ARHGEF2: variants seen among roughly 807,000 people sequenced by gnomAD.
ARHGEF2 encodes the protein rho guanine nucleotide exchange factor 2.
In ARHGEF2, 22 loss-of-function variants were observed where a neutral mutation model predicts 121.0. The ratio of observed to expected loss-of-function variants is 0.18; its 90% CI spans 0.13 to 0.26. The LOEUF is 0.26. ARHGEF2 is among the 10% of genes least tolerant of loss of function. The probability of loss-of-function intolerance (pLI) is 1.00; values close to 1 mark genes in which losing one functional copy is unlikely to be tolerated. For synonymous variants in ARHGEF2, 487 were observed against 530.0 expected (o/e 0.92, Z 1.11); for missense variants, 907 against 1,336.0 (o/e 0.68, Z 5.01).
rs1448120174 is a variant in ARHGEF2, at chr1:155,951,074, G to A, written c.2458C>T (p.Arg820Cys). Reference sequence around the variant, plus strand: ...CGTTCTTCACCTAGCCGCCGGCAGCGCCGTAGCTCCTCCTGCAGCAGCGCA... The same window carrying A: ...CGTTCTTCACCTAGCCGCCGGCAGCACCGTAGCTCCTCCTGCAGCAGCGCA... Reference protein sequence around the residue: ...QHALLQEELRRCRRLGEERAT... With the variant: ...QHALLQEELRCCRRLGEERAT... Residue 820 changes from arginine (R) to cysteine (C), a missense_variant, in exon 20 of 22, where the codon CGC becomes TGC. Coordinates refer to ENST00000361247, the MANE Select transcript of ARHGEF2 (RefSeq NM_001162383.2). This position sits in a 1 kb window ranked among gnomAD's most constrained non-coding sequence, Gnocchi z 5.1. 4 of 1,599,782 alleles carry A rather than the reference G, an allele frequency of 2.5e-6. No individual in the cohort carries two copies. Among genetic ancestry groups the A allele is most frequent in the Non-Finnish European group, 1.7e-6 (2 of 1,175,268 alleles).
rs75065040 is a variant in ARHGEF2, at chr1:155,956,461, T to TA, written c.1715+1251dup. Among the ~76,000 whole-genome samples, 104 of 140,684 alleles carry TA rather than the reference T, an allele frequency of 7.4e-4. 2 individuals are homozygous for TA. Among genetic ancestry groups the TA allele is most frequent in the Middle Eastern group, 3.6e-3 (1 of 278 alleles). 92.3% of individuals were successfully genotyped at this position (140,684 alleles called of 152,430 possible). Reference sequence around the variant, plus strand: ...TTTCAAAATTCCATGGTGCAGAAGTTAAAAAAAAAAAAAGGTTTACAAATT... The same window carrying TA: ...TTTCAAAATTCCATGGTGCAGAAGTTAAAAAAAAAAAAAAGGTTTACAAATT... On this transcript the variant is annotated intron_variant, in intron 13 of 21. Transcript: ENST00000361247.
chr1:155,954,282 C>CTTTTT (rs544870775), intron 14 of ARHGEF2, among the ~76,000 whole-genome samples: 46 of 108,490 alleles, frequency 4.2e-4, no homozygotes, highest in Non-Finnish European at 7.6e-4. Flanking sequence ...CAATCTACTT[C>CTTTTT]TTTTTTTTTT....
At position 155,965,419 on chromosome 1, in the gene ARHGEF2, A is replaced by G; in HGVS notation, c.471-7T>C. 6.2e-7 allele frequency: 1 copy of G among 1,613,434 alleles called. No homozygotes were observed. The highest frequency in any genetic ancestry group is 8.5e-7 in the Non-Finnish European group (1 of 1,179,376). On this transcript the variant is annotated splice_polypyrimidine_tract_variant and splice_region_variant and intron_variant, in intron 5 of 21. Coordinates refer to ENST00000361247, the MANE Select transcript of ARHGEF2 (RefSeq NM_001162383.2). The surrounding 1 kb of genome is among the most constrained non-coding windows in gnomAD (Gnocchi z 6.0). ...AGACTCATCATTGAAATGTCTGAAG[A>G]AAGTGGAGGCTGTCTGCATCACCCC...
rs372668733 is a variant in ARHGEF2 at position 155,973,659 on chromosome 1, T to C, written c.64-4359A>G. On this transcript the variant is annotated intron_variant, in intron 1 of 21. Transcript: ENST00000361247. ...TACTCAGGAGGCTGAGGCAGGAGAA[T>C]TGCTTGAACGCAGGAGGTGGAGGTT... is the stretch of plus-strand genomic sequence containing the variant. 2.0e-3 allele frequency among the ~76,000 whole-genome samples: 311 copies of C among 151,922 alleles called. 2 individuals carry two copies. The highest frequency in any genetic ancestry group is 0.02 in the South Asian group (96 of 4,804).
In ARHGEF2 at chr1:155,978,209, G is replaced by T. The variant is rs1014619162; in HGVS notation, c.63+156C>A. ...CCCCACCCCTACCCACTCGCTCGCA[G>T]TCCCCACCCACCCCGTCCCGCCGCT... On this transcript the variant is annotated intron_variant, in intron 1 of 21. Transcript: ENST00000361247. The surrounding 1 kb of genome is among the most constrained non-coding windows in gnomAD (Gnocchi z 4.1). 31 of 1,296,984 alleles carry T rather than the reference G, an allele frequency of 2.4e-5. No individual in the cohort carries two copies. Among genetic ancestry groups the T allele is most frequent in the Non-Finnish European group, 3.0e-5 (30 of 1,010,240 alleles). 80.3% of individuals were successfully genotyped at this position (1,296,984 alleles called of 1,614,324 possible). A position where few individuals can be genotyped will look rare whatever the true frequency, so the allele number is the denominator to read the frequency against.
At position 155,951,596 on chromosome 1, in the gene ARHGEF2, G is replaced by A. The variant is rs994006021; in HGVS notation, c.2209-63C>T. The A allele has an allele frequency of 1.9e-6, 3 of 1,611,356 alleles. No individual in the cohort carries two copies. The South Asian group carries it at 3.3e-5, about 18-fold the overall frequency. ...AGGATGGGAGAACTGCCCAAAAGTT[G>A]AACAAGGGTGGGTGTGGGGACAGTA... is the stretch of plus-strand genomic sequence containing the variant. On this transcript the variant is annotated intron_variant, in intron 18 of 21. Coordinates refer to ENST00000361247, the MANE Select transcript of ARHGEF2 (RefSeq NM_001162383.2). The surrounding 1 kb of genome is among the most constrained non-coding windows in gnomAD (Gnocchi z 5.1).
chr1:155,978,614 G>C (rs574784498), upstream of ARHGEF2: 245 of 1,257,278 alleles, frequency 1.9e-4, no homozygotes, highest in Non-Finnish European at 2.2e-4. The surrounding 1 kb of genome is among the most constrained non-coding windows in gnomAD (Gnocchi z 4.1). Context: ...GCTCAGGAAG[G>C]GGGTAGGCGG....
Position 155,947,267 on chromosome 1 carries a change from A to G in ARHGEF2, c.*675T>C, listed in dbSNP as rs1674560963. On this transcript the variant is annotated 3_prime_UTR_variant, in exon 22 of 22. Transcript: ENST00000361247. ...GTACAAAAAAGAAAACAAAAGAACA[A>G]CAAAACATTCTGGTCCCTGTGGGTT... The G allele has an allele frequency of 2.4e-6, 1 of 424,204 alleles. No homozygotes were observed. The highest frequency in any genetic ancestry group is 2.8e-5 in the Admixed American group (1 of 35,360). 26.3% of individuals were successfully genotyped at this position (424,204 alleles called of 1,614,324 possible).
Position 155,962,214 on chromosome 1 carries a change from G to A in ARHGEF2, c.1110C>T (p.Thr370=), listed in dbSNP as rs1678100340. The part of the protein sequence containing the change: ...KRFQQFIRKV[T]RPAVLKRHGV... Reference sequence around the variant, plus strand: ...CGTGCCGCTTGAGCACGGCGGGGCGGGTCACTTTCTACAAGGGAGGAGGCA... The same window carrying A: ...CGTGCCGCTTGAGCACGGCGGGGCGAGTCACTTTCTACAAGGGAGGAGGCA... The change falls in exon 10 of 22, where the codon ACC becomes ACT. Residue 370 remains threonine, a synonymous_variant. Coordinates refer to ENST00000361247, the MANE Select transcript of ARHGEF2 (RefSeq NM_001162383.2). The surrounding 1 kb of genome is among the most constrained non-coding windows in gnomAD (Gnocchi z 5.8). The A allele has an allele frequency of 6.2e-7, 1 of 1,613,984 alleles. No individual in the cohort carries two copies.
Position 155,950,976 on chromosome 1 carries a change from C to T in ARHGEF2, c.2556G>A (p.Glu852=), listed in dbSNP as rs1212513816. 13 of 1,608,902 alleles carry T rather than the reference C, an allele frequency of 8.1e-6. No homozygotes were observed. The highest frequency in any genetic ancestry group is 1.7e-5 in the Admixed American group (1 of 59,780). ...CCAGCTGCCTTCGAGCCTCTTCGGCCTCACGCTCCAGCAGTGCCCGGGCCT... is the reference window on the plus strand; with the variant it reads ...CCAGCTGCCTTCGAGCCTCTTCGGCTTCACGCTCCAGCAGTGCCCGGGCCT... The part of the protein sequence containing the change: ...SEQARALLER[E]AEEARRQLAA... The change falls in exon 20 of 22, where the codon GAG becomes GAA. Residue 852 remains glutamate, a synonymous_variant. Transcript: ENST00000361247. This position sits in a 1 kb window ranked among gnomAD's most constrained non-coding sequence, Gnocchi z 5.2.
rs748142985 is a variant in ARHGEF2 at position 155,950,285 on chromosome 1, C to T, written c.2887+14G>A. 14 of 1,610,314 alleles carry T rather than the reference C, an allele frequency of 8.7e-6. No homozygotes were observed. The highest frequency in any genetic ancestry group is 3.3e-5 in the South Asian group (3 of 91,014). ...GCACTCTACCTCTGGTCCATGTCTCCGCCAGGGTCTCACCTCGTGGACTGT... is the reference window on the plus strand; with the variant it reads ...GCACTCTACCTCTGGTCCATGTCTCTGCCAGGGTCTCACCTCGTGGACTGT... On this transcript the variant is annotated intron_variant, in intron 21 of 21. Coordinates refer to ENST00000361247, the MANE Select transcript of ARHGEF2 (RefSeq NM_001162383.2). The surrounding 1 kb of genome is among the most constrained non-coding windows in gnomAD (Gnocchi z 5.2).
At chr1:155,964,144 CAAAAAA>C (rs71576039) in intron 7 of ARHGEF2, among the ~76,000 whole-genome samples, 1,113 of 55,652 alleles carry the variant, frequency 0.02, 27 homozygotes, top group Admixed American at 0.036. Flanking sequence ...GACTCTGCTT[CAAAAAA>C]AAAAAAAAAA....
intron 1 of ARHGEF2, chr1:155,970,663 G>T (rs533451142): frequency 2.0e-6 from 2 of 985,514 alleles, no homozygotes; most frequent in Admixed American, 1.2e-4. Flanking sequence ...CCGAGGCCAC[G>T]AGGCCACGCC....
rs765138663 is a variant in ARHGEF2 at position 155,957,846 on chromosome 1, C to A, written c.1582G>T (p.Val528Leu). 3.1e-6 allele frequency: 5 copies of A among 1,614,110 alleles called. No individual in the cohort carries two copies. Among genetic ancestry groups the A allele is most frequent in the African/African-American group, 1.3e-5 (1 of 75,040 alleles). ...PSVVSLQNLI[V>L]RDIANQEKGM... Reference sequence around the variant, plus strand: ...TTCTCCTGGTTGGCAATGTCTCGTACGATTAGATTCTGCAGCGATACCACT... The same window carrying A: ...TTCTCCTGGTTGGCAATGTCTCGTAAGATTAGATTCTGCAGCGATACCACT... The change falls in exon 13 of 22, where the codon GTA becomes TTA. Residue 528 changes from valine to leucine, a missense_variant. Physicochemically the swap from Val to Leu is conservative, Grantham distance 32. Transcript: ENST00000361247.
chr1:155,972,211 C>G (rs1472466538), intron 1 of ARHGEF2: 3 of 464,646 alleles, frequency 6.5e-6, no homozygotes, highest in Non-Finnish European at 1.3e-5. Flanking sequence ...CCACAGACAG[C>G]CCTGGTACTC....
At chr1:155,970,081 G>A (rs1680173890) in intron 1 of ARHGEF2, 2 of 985,314 alleles carry the variant, frequency 2.0e-6, no homozygotes, top group Admixed American at 6.1e-5. Context: ...CTCTCCTGCA[G>A]TCTAACTTTT....
chr1:155,974,124 G>A (rs756805248), intron 1 of ARHGEF2, among the ~76,000 whole-genome samples: 49 of 151,954 alleles, frequency 3.2e-4, no homozygotes, highest in Non-Finnish European at 5.9e-4. Flanking sequence ...GAGCTCATGC[G>A]ATCCAGCTGC....
chr1:155,963,273 G>T, intron 7 of ARHGEF2, 90 bp from the exon 8 acceptor site: 1 of 1,299,880 alleles, frequency 7.7e-7, no homozygotes, highest in Non-Finnish European at 1.1e-6. Flanking sequence ...TTCACGTGAG[G>T]TTTTCAAGGT....
At chr1:155,972,134 G>A in intron 1 of ARHGEF2, 1 of 382,946 alleles carries the variant, frequency 2.6e-6, no homozygotes, top group South Asian at 1.8e-5. Flanking sequence ...GGCAAAGGGA[G>A]GGAGAAGACT....
Sources: gnomAD v4.1 joint callset for allele counts (sites outside exome capture counted in the v4.1 genomes callset) on GRCh38, gnomAD v4.1.1 for gene constraint, Gnocchi (gnomAD v3.1) non-coding constraint, MANE v1.5 for transcripts, NCBI Gene and HGNC (gene_info 2026-07-23, HGNC 2026-07-21) for gene names.